The following HOOK1 variants were observed in gnomAD, a reference collection of about 807,000 sequenced individuals.
HOOK1 encodes the protein hook microtubule tethering protein 1, also known as protein Hook homolog 1.
In HOOK1, 60 loss-of-function variants were observed where a neutral mutation model predicts 112.8. That is an observed-to-expected ratio of 0.53 (90% CI 0.43 to 0.66). The LOEUF is 0.66. HOOK1 is among the 30% of genes least tolerant of loss of function. The pLI is 0.00. For synonymous variants in HOOK1, 294 were observed against 283.8 expected (o/e 1.04, Z -0.36); for missense variants, 770 against 856.0 (o/e 0.90, Z 1.25).
At position 59,872,067 on chromosome 1, in the gene HOOK1, C is replaced by A. The variant is rs116499697; in HGVS notation, c.2017-728C>A. ...AGTGAAGATATTGTAGCCAGGTAGT[C>A]CATGATTGATTCATTTTTTTCAGCC... On this transcript the variant is annotated intron_variant, in intron 21 of 21. Transcript: ENST00000371208. Among the ~76,000 whole-genome samples, 616 of 152,234 alleles carry A rather than the reference C, an allele frequency of 4.0e-3. 3 individuals are homozygous for A. The highest frequency in any genetic ancestry group is 0.014 in the African/African-American group (587 of 41,554).
At chr1:59,827,550 A>G (rs2098390887) in intron 2 of HOOK1, among the ~76,000 whole-genome samples, 1 of 152,258 alleles carries the variant, frequency 6.6e-6, no homozygotes, top group Non-Finnish European at 1.5e-5. Context: ...TGTAGCATTT[A>G]CACATTTAGA....
At chr1:59,854,032 ATATATATT>A (rs2098409028) in intron 12 of HOOK1, among the ~76,000 whole-genome samples, 14 of 23,018 alleles carry the variant, frequency 6.1e-4, no homozygotes, top group African/African-American at 3.4e-3. Context: ...ATATATATAT[ATATATATT>A]TTTTTTTTTT....
At chr1:59,860,836 C>T (rs1432741597) in intron 15 of HOOK1, among the ~76,000 whole-genome samples, 2 of 150,930 alleles carry the variant, frequency 1.3e-5, no homozygotes, top group Admixed American at 6.6e-5. Flanking sequence ...TGCAGTAGCG[C>T]GATCTCGGCT....
In HOOK1 at chr1:59,840,251, T is replaced by G. The variant is rs187596532; in HGVS notation, c.538-57T>G. 8.4e-6 allele frequency: 10 copies of G among 1,196,158 alleles called. No individual in the cohort carries two copies. The African/African-American group carries it at 1.6e-4, about 19-fold the overall frequency. The allele number at this position is 1,196,158 out of a possible 1,614,324, so 74.1% of individuals were successfully genotyped here. On this transcript the variant is annotated intron_variant, in intron 7 of 21. Transcript: ENST00000371208. ...TGTGAGAAGAGTATATTTTTCTATT[T>G]TTCTATATTTGTGTCAAAACACGAT...
rs1261203066 is a variant in HOOK1 at position 59,860,429 on chromosome 1, T to C, written c.1532+101T>C. ...AAAATATTATTGTAGCTAAAGTAAT[T>C]AGAATTACCTAGAAATAGTTTAATA... On this transcript the variant is annotated intron_variant, in intron 15 of 21. Transcript: ENST00000371208. The C allele has an allele frequency of 6.4e-5, 63 of 983,986 alleles. 1 individual carries two copies. The South Asian group carries it at 7.9e-4, about 12-fold the overall frequency. The allele number at this position is 983,986 out of a possible 1,614,324, so 61.0% of individuals were successfully genotyped here. A position where few individuals can be genotyped will look rare whatever the true frequency, so the allele number is the denominator to read the frequency against.
intron 8 of HOOK1, among the ~76,000 whole-genome samples, chr1:59,842,998 T>G (rs990715443): frequency 6.6e-6 from 1 of 152,010 alleles, no homozygotes; most frequent in Non-Finnish European, 1.5e-5. Flanking sequence ...TGACTGATAA[T>G]TTTATACTCT....
intron 1 of HOOK1, among the ~76,000 whole-genome samples, chr1:59,818,225 T>C (rs1303504448): frequency 6.6e-6 from 1 of 152,112 alleles, no homozygotes; most frequent in Non-Finnish European, 1.5e-5. Flanking sequence ...TAACCCTGGC[T>C]CAAAGATAGA....
intron 12 of HOOK1, among the ~76,000 whole-genome samples, chr1:59,854,016 ATATATATATATATATATATATATTTT>A (rs1468391342): frequency 4.3e-4 from 7 of 16,312 alleles, no homozygotes; most frequent in Non-Finnish European, 9.4e-4. Context: ...ATATATATAT[ATATATATATATATATATATATATTTT>A]TTTTTTTTTT....
In HOOK1 at chr1:59,815,096, G is replaced by T; in HGVS notation, c.-22G>T. 1 of 1,538,454 alleles carries T rather than the reference G, an allele frequency of 6.5e-7. No homozygotes were observed. On this transcript the variant is annotated 5_prime_UTR_variant, in exon 1 of 22. Transcript: ENST00000371208. Reference sequence around the variant, plus strand: ...GAGGGAGTGTGAAGGTGTCCGCGGCGTCGTCGACGGCGGCGCCGGCCATGG... The same window carrying T: ...GAGGGAGTGTGAAGGTGTCCGCGGCTTCGTCGACGGCGGCGCCGGCCATGG...
chr1:59,823,121 C>T (rs770629397), intron 2 of HOOK1, among the ~76,000 whole-genome samples: 15 of 152,284 alleles, frequency 9.9e-5, no homozygotes, highest in East Asian at 5.8e-4. Flanking sequence ...CAGATCGAGA[C>T]CATCCTGGCT....
At position 59,835,428 on chromosome 1, in the gene HOOK1, T is replaced by A; in HGVS notation, c.474+16T>A. ...TATTCAAGAGGTAAGTTATATCATG[T>A]TCCTATGAGTATAAAAATCCTAAAC... On this transcript the variant is annotated intron_variant, in intron 6 of 21. Transcript: ENST00000371208. 1 of 1,440,560 alleles carries A rather than the reference T, an allele frequency of 6.9e-7. No individual in the cohort carries two copies. Among genetic ancestry groups the A allele is most frequent in the South Asian group, 1.2e-5 (1 of 83,282 alleles). 89.2% of individuals were successfully genotyped at this position (1,440,560 alleles called of 1,614,324 possible). A position where few individuals can be genotyped will look rare whatever the true frequency, so the allele number is the denominator to read the frequency against.
chr1:59,825,603 A>C (rs1037152443), intron 2 of HOOK1, among the ~76,000 whole-genome samples: 5 of 152,196 alleles, frequency 3.3e-5, no homozygotes, highest in African/African-American at 1.2e-4. Flanking sequence ...TTTTACCTTC[A>C]ATTTATACAA....
chr1:59,852,420 G>A (rs2098407636), intron 12 of HOOK1, among the ~76,000 whole-genome samples: 1 of 151,398 alleles, frequency 6.6e-6, no homozygotes, highest in Non-Finnish European at 1.5e-5. Context: ...CTAATTTATG[G>A]GCATACAGTT....
rs750854559 is a variant in HOOK1, at chr1:59,859,028, T to C, written c.1374T>C (p.Ile458=). The C allele has an allele frequency of 6.4e-7, 1 of 1,557,678 alleles. No individual in the cohort carries two copies. The highest frequency in any genetic ancestry group is 2.3e-5 in the East Asian group (1 of 42,906). ...TKSYENLAAE[I]MPVEYREVFI... is the part of the protein sequence containing the mutation. ...GTTATGAGAATCTTGCTGCTGAGATTATGCCAGTGGAATATAGGTAAATTT... is the reference window on the plus strand; with the variant it reads ...GTTATGAGAATCTTGCTGCTGAGATCATGCCAGTGGAATATAGGTAAATTT... The change falls in exon 14 of 22, where the codon ATT becomes ATC. Residue 458 remains isoleucine (I), a synonymous_variant. Coordinates refer to ENST00000371208, the MANE Select transcript of HOOK1 (RefSeq NM_015888.6).
At chr1:59,865,317 A>G (rs1270021699) in intron 18 of HOOK1, 72 bp downstream of exon 18, 1 of 893,090 alleles carries the variant, frequency 1.1e-6, no homozygotes. Flanking sequence ...TGAAGGATCC[A>G]AGGTCTATGT....
intron 10 of HOOK1, among the ~76,000 whole-genome samples, chr1:59,847,583 AG>A (rs1291223039): frequency 1.3e-5 from 2 of 151,744 alleles, no homozygotes; most frequent in Non-Finnish European, 3.0e-5. Flanking sequence ...GATCAAATAT[AG>A]GCAAGAATCC....
chr1:59,842,355 G>C (rs2098401466), intron 8 of HOOK1, among the ~76,000 whole-genome samples: 4 of 152,002 alleles, frequency 2.6e-5, no homozygotes, highest in African/African-American at 9.7e-5. Flanking sequence ...GAATCACTTA[G>C]AATTATTATG....
In HOOK1 at chr1:59,850,530, T is replaced by G. The variant is rs182810887; in HGVS notation, c.1242+1347T>G. 2.0e-5 allele frequency among the ~76,000 whole-genome samples: 3 copies of G among 151,636 alleles called. No homozygotes were observed. The Admixed American group carries it at 2.0e-4, about 10-fold the overall frequency. ...CTCATATATTTAGTCTGTGATCCAT[T>G]TGGTATATGGTGTGAGGTAGGCATC... On this transcript the variant is annotated intron_variant, in intron 12 of 21. Transcript: ENST00000371208.
At chr1:59,869,706 G>A (rs1359553168) in intron 20 of HOOK1, among the ~76,000 whole-genome samples, 1 of 152,034 alleles carries the variant, frequency 6.6e-6, no homozygotes, top group East Asian at 1.9e-4. Context: ...AACCCGATAC[G>A]CCCTTGCTAT....
Sources: allele counts gnomAD v4.1 joint callset (sites outside exome capture counted in the v4.1 genomes callset), GRCh38; gene constraint gnomAD v4.1.1; transcripts MANE v1.5; gene names NCBI Gene and HGNC (gene_info 2026-07-23, HGNC 2026-07-21).